The following PHTF2 variants were observed in gnomAD, a reference collection of about 807,000 sequenced individuals.
The protein encoded by PHTF2 is protein PHTF2.
A neutral mutation model predicts 101.2 loss-of-function variants in PHTF2; 60 were observed. The ratio of observed to expected loss-of-function variants is 0.59; its 90% CI spans 0.48 to 0.73. The LOEUF is 0.73. PHTF2 is among the 30% of genes least tolerant of loss of function. The pLI is 0.00. For missense variants in PHTF2, 747 were observed against 908.7 expected, an observed-to-expected ratio of 0.82 and a Z score of 2.29; for synonymous variants, 311 against 307.3, an observed-to-expected ratio of 1.01 and a Z score of -0.13.
At chr7:77,904,739 T>A (rs1386094448) in intron 7 of PHTF2, among the ~76,000 whole-genome samples, 1 of 152,190 alleles carries the variant, frequency 6.6e-6, no homozygotes, top group Non-Finnish European at 1.5e-5. Context: ...CTTTACTACC[T>A]CCTTATAGGC....
intron 1 of PHTF2, among the ~76,000 whole-genome samples, chr7:77,829,822 A>AAT (rs1794946850): frequency 1.3e-5 from 2 of 152,234 alleles, no homozygotes; most frequent in Admixed American, 1.3e-4. Flanking sequence ...TTAGATCTGC[A>AAT]ATATGTAAAA....
At chr7:77,830,618 TGGA>T (rs1795009092) in intron 1 of PHTF2, among the ~76,000 whole-genome samples, 1 of 152,134 alleles carries the variant, frequency 6.6e-6, no homozygotes. Flanking sequence ...TTGTCTGAGG[TGGA>T]GTTGAGGCAG....
chr7:77,926,383 T>G (rs1392961432), intron 11 of PHTF2, among the ~76,000 whole-genome samples: 1 of 152,202 alleles, frequency 6.6e-6, no homozygotes, highest in African/African-American at 2.4e-5. Flanking sequence ...CTTTGTATAT[T>G]TGTTTTTACT....
intron 16 of PHTF2, among the ~76,000 whole-genome samples, chr7:77,947,833 CTTTCTTT>C (rs1806195860): frequency 4.2e-4 from 18 of 43,210 alleles, no homozygotes; most frequent in African/African-American, 1.5e-3. Context: ...TTTCTTTTTT[CTTTCTTT>C]TTTTTTTTTT....
chr7:77,902,763 T>A (rs1801516526), intron 7 of PHTF2, among the ~76,000 whole-genome samples: 1 of 152,168 alleles, frequency 6.6e-6, no homozygotes, highest in Non-Finnish European at 1.5e-5. Flanking sequence ...TATTTAAATT[T>A]GTTTTATCAA....
intron 3 of PHTF2, among the ~76,000 whole-genome samples, chr7:77,875,556 A>AT (rs10615834): frequency 1.4e-4 from 21 of 146,930 alleles, no homozygotes; most frequent in African/African-American, 2.3e-4. Context: ...TTATTTATTT[A>AT]TTATTATTAT....
chr7:77,823,868 GAATACAGTGTTGAT>G (rs1163901310), intron 1 of PHTF2, among the ~76,000 whole-genome samples: 5 of 152,180 alleles, frequency 3.3e-5, no homozygotes, highest in African/African-American at 1.2e-4. Flanking sequence ...GAAGGGTTTT[GAATACAGTGTTGAT>G]TAAACTCTTT....
intron 19 of PHTF2, among the ~76,000 whole-genome samples, chr7:77,954,612 G>GTGTGTATATA (rs1426693429): frequency 0.018 from 1,596 of 90,046 alleles, 25 homozygotes; most frequent in South Asian, 0.037. Context: ...CAAGTACTGT[G>GTGTGTATATA]TATATATATA....
intron 2 of PHTF2, among the ~76,000 whole-genome samples, chr7:77,844,337 C>T (rs1796109241): frequency 6.6e-6 from 1 of 152,032 alleles, no homozygotes; most frequent in East Asian, 1.9e-4. Context: ...AAAATTGTGA[C>T]GTTTTTATAT....
chr7:77,892,261 G>T (rs1044416159), intron 3 of PHTF2, among the ~76,000 whole-genome samples: 4 of 152,182 alleles, frequency 2.6e-5, no homozygotes, highest in African/African-American at 9.6e-5. Flanking sequence ...CTGTACTCCA[G>T]CCTGGGCAAC....
chr7:77,933,034 C>T (rs994682208), intron 12 of PHTF2, among the ~76,000 whole-genome samples: 4 of 151,946 alleles, frequency 2.6e-5, no homozygotes, highest in African/African-American at 7.3e-5. Context: ...GTTAGGAGAT[C>T]GAGATCATCC....
chr7:77,901,452 TATCTC>T (rs1801381484), intron 6 of PHTF2, among the ~76,000 whole-genome samples: 1 of 95,026 alleles, frequency 1.1e-5, no homozygotes, highest in Admixed American at 1.3e-4. Flanking sequence ...AGTGAGATCC[TATCTC>T]AACAAACAAA....
intron 7 of PHTF2, among the ~76,000 whole-genome samples, chr7:77,908,383 T>C (rs575256307): frequency 1.3e-5 from 2 of 152,378 alleles, no homozygotes; most frequent in East Asian, 3.9e-4. Flanking sequence ...GATAGACCTC[T>C]ATTAATAAGA....
chr7:77,823,593 C>T (rs1467437381), intron 1 of PHTF2, among the ~76,000 whole-genome samples: 1 of 152,166 alleles, frequency 6.6e-6, no homozygotes, highest in Non-Finnish European at 1.5e-5. Context: ...ATTTAATTTC[C>T]TTAGAAGGAA....
intron 16 of PHTF2, among the ~76,000 whole-genome samples, chr7:77,945,295 G>A (rs966535705): frequency 1.3e-5 from 2 of 152,284 alleles, no homozygotes; most frequent in East Asian, 1.9e-4. Context: ...CCAAGGTCAC[G>A]CCACTGTACT....
At chr7:77,909,390 A>G in intron 8 of PHTF2, 1 of 150,416 alleles carries the variant, frequency 6.6e-6, no homozygotes. Context: ...ATTTTTTTTG[A>G]GACAGGGTCT....
chr7:77,942,922 G>C (rs190399518), intron 16 of PHTF2, 136 bp downstream of exon 15: 60 of 510,324 alleles, frequency 1.2e-4, no homozygotes, highest in Non-Finnish European at 2.0e-4. Context: ...CAGTTTTTTT[G>C]GTAGAATAAA....
At position 77,828,057 on chromosome 7, in the gene PHTF2, G is replaced by C. The variant is rs1584416318; in HGVS notation, c.-35-12164G>C. ...TTTAGTTAACTCTTTAAGCCATTTA[G>C]ATATCATTTAGTCCATTACTATTTT... On this transcript the variant is annotated intron_variant, in intron 1 of 19. Coordinates refer to ENST00000416283, the Ensembl canonical transcript of PHTF2. Among the ~76,000 whole-genome samples, 10 of 152,306 alleles carry C rather than the reference G, an allele frequency of 6.6e-5. No homozygotes were observed. The South Asian group carries it at 2.1e-3, about 32-fold the overall frequency.
chr7:77,910,087 AT>A lies in PHTF2; in HGVS notation c.612-157del, dbSNP rs1802238841. The A allele has an allele frequency of 1.0e-5, 6 of 582,064 alleles. No homozygotes were observed. The South Asian group carries it at 1.5e-4, about 15-fold the overall frequency. 36.1% of individuals were successfully genotyped at this position (582,064 alleles called of 1,614,324 possible). A position where few individuals can be genotyped will look rare whatever the true frequency, so the allele number is the denominator to read the frequency against. On this transcript the variant is annotated intron_variant, in intron 8 of 19. Coordinates refer to ENST00000416283, the Ensembl canonical transcript of PHTF2. ...TAGAAATTGGTCTTGAATATGCATC[AT>A]GATATTTGGATTAAATTTTATCTAG...
Sources: allele counts gnomAD v4.1 joint callset (sites outside exome capture counted in the v4.1 genomes callset), GRCh38; gene constraint gnomAD v4.1.1; transcripts MANE v1.5; gene names NCBI Gene and HGNC (gene_info 2026-07-23, HGNC 2026-07-21).